The following PLCL1 variants were observed in gnomAD, a reference collection of about 807,000 sequenced individuals.
PLCL1 encodes the protein phospholipase C like 1 (inactive).
Under a neutral mutation model 84.4 loss-of-function variants are expected in PLCL1, and 41 were observed. The observed-to-expected ratio is 0.49, with a 90% confidence interval of 0.38 to 0.63. The LOEUF (loss-of-function observed/expected upper bound fraction) is 0.63. Ranked by LOEUF, PLCL1 falls within the 30% of genes least tolerant of loss-of-function variation. The pLI is 0.00. For synonymous variants in PLCL1, 490 were observed against 488.3 expected (o/e 1.00, Z -0.05); for missense variants, 1,206 against 1,367.8 (o/e 0.88, Z 1.87).
At chr2:198,062,309 G>A (rs1692223242) in intron 1 of PLCL1, among the ~76,000 whole-genome samples, 2 of 152,014 alleles carry the variant, frequency 1.3e-5, no homozygotes, top group African/African-American at 4.8e-5. Context: ...AGACAATTGT[G>A]ATAAATTTTT....
chr2:197,908,887 A>G (rs1399637895), intron 1 of PLCL1, among the ~76,000 whole-genome samples: 1 of 152,220 alleles, frequency 6.6e-6, no homozygotes, highest in Non-Finnish European at 1.5e-5. Flanking sequence ...AAATATTCTT[A>G]TAATTGATTT....
At chr2:197,995,915 G>T (rs1297652859) in intron 1 of PLCL1, among the ~76,000 whole-genome samples, 1 of 152,214 alleles carries the variant, frequency 6.6e-6, no homozygotes, top group Non-Finnish European at 1.5e-5. Flanking sequence ...GAGTTGAAAG[G>T]TTAAATTGTC....
intron 1 of PLCL1, among the ~76,000 whole-genome samples, chr2:197,903,572 C>T (rs1378774275): frequency 6.9e-6 from 1 of 144,434 alleles, no homozygotes; most frequent in African/African-American, 2.6e-5. Context: ...CAAGCTCCTC[C>T]TCCCGGGTTC....
chr2:198,048,574 C>T (rs1346754193), intron 1 of PLCL1, among the ~76,000 whole-genome samples: 1 of 152,142 alleles, frequency 6.6e-6, no homozygotes, highest in Non-Finnish European at 1.5e-5. Context: ...AGAGCAGGTG[C>T]ATCACGTGGT....
rs370674124 is a variant in PLCL1 at position 198,017,189 on chromosome 2, C to G, written c.241-66569C>G. 3.0e-4 allele frequency among the ~76,000 whole-genome samples: 46 copies of G among 152,258 alleles called. 1 individual carries two copies. The highest frequency in any genetic ancestry group is 1.1e-3 in the African/African-American group (44 of 41,544). ...CATATGATGCCCATTTAACATGCTC[C>G]AAAAACACAACAGGAATTCACCTTC... On this transcript the variant is annotated intron_variant, in intron 1 of 5. Coordinates refer to ENST00000428675, the MANE Select transcript of PLCL1 (RefSeq NM_006226.4).
chr2:198,064,541 A>C (rs1166877227), intron 1 of PLCL1, among the ~76,000 whole-genome samples: 1 of 152,186 alleles, frequency 6.6e-6, no homozygotes, highest in Non-Finnish European at 1.5e-5. Context: ...TTTATAATCT[A>C]TTAGAAATTC....
At chr2:198,026,008 A>T (rs1191879521) in intron 1 of PLCL1, among the ~76,000 whole-genome samples, 1 of 152,188 alleles carries the variant, frequency 6.6e-6, no homozygotes, top group African/African-American at 2.4e-5. Context: ...TTATAGGTTT[A>T]GTTTTAAGGC....
intron 1 of PLCL1, among the ~76,000 whole-genome samples, chr2:197,965,564 T>G (rs1450728275): frequency 6.6e-6 from 1 of 152,186 alleles, no homozygotes; most frequent in Non-Finnish European, 1.5e-5. Context: ...TGCTTTCATC[T>G]TCACTATTTT....
At chr2:198,117,575 C>T (rs966048929) in intron 5 of PLCL1, among the ~76,000 whole-genome samples, 6 of 151,712 alleles carry the variant, frequency 4.0e-5, no homozygotes, top group African/African-American at 7.3e-5. Context: ...GGTTACACAC[C>T]GCTTCCTCAT....
intron 5 of PLCL1, among the ~76,000 whole-genome samples, chr2:198,112,732 A>G (rs1314745910): frequency 6.6e-6 from 1 of 151,910 alleles, no homozygotes. Context: ...GTTACGGTTA[A>G]CAGTCATGCC....
chr2:197,856,226 G>A (rs945468547), intron 1 of PLCL1, among the ~76,000 whole-genome samples: 1 of 152,106 alleles, frequency 6.6e-6, no homozygotes, highest in Admixed American at 6.6e-5. Context: ...GTCCAGCCCC[G>A]TAGGTCATAG....
At chr2:198,081,732 A>C (rs780169898) in intron 1 of PLCL1, among the ~76,000 whole-genome samples, 31 of 152,334 alleles carry the variant, frequency 2.0e-4, no homozygotes, top group Non-Finnish European at 4.0e-4. Context: ...TCTCATAACT[A>C]AAGCAAATTT....
intron 1 of PLCL1, among the ~76,000 whole-genome samples, chr2:198,075,381 C>T (rs542734226): frequency 6.6e-6 from 1 of 152,224 alleles, no homozygotes; most frequent in Admixed American, 6.5e-5. Flanking sequence ...GTCAGATGAC[C>T]TTTATTGTTG....
At chr2:197,900,690 TGTTAA>T (rs1462244524) in intron 1 of PLCL1, among the ~76,000 whole-genome samples, 1 of 152,220 alleles carries the variant, frequency 6.6e-6, no homozygotes, top group African/African-American at 2.4e-5. Context: ...GTGCTCTTAC[TGTTAA>T]GTTGTTTTCA....
intron 5 of PLCL1, among the ~76,000 whole-genome samples, chr2:198,111,914 G>T (rs1693633307): frequency 6.6e-6 from 1 of 151,828 alleles, no homozygotes; most frequent in Admixed American, 6.6e-5. Flanking sequence ...TGAGTGTCCT[G>T]CCCATCTAGC....
chr2:197,856,892 A>T (rs1687339502), intron 1 of PLCL1, among the ~76,000 whole-genome samples: 1 of 152,106 alleles, frequency 6.6e-6, no homozygotes, highest in African/African-American at 2.4e-5. Context: ...ATACATTATG[A>T]TGAGGCTTTT....
At chr2:197,921,678 C>G (rs573839559) in intron 1 of PLCL1, among the ~76,000 whole-genome samples, 1 of 152,180 alleles carries the variant, frequency 6.6e-6, no homozygotes, top group African/African-American at 2.4e-5. Context: ...CTTGTTCCAC[C>G]TCTGTACCTT....
At chr2:197,923,323 G>A (rs558479745) in intron 1 of PLCL1, among the ~76,000 whole-genome samples, 1 of 148,508 alleles carries the variant, frequency 6.7e-6, no homozygotes, top group South Asian at 2.2e-4. Flanking sequence ...TTCCCAGATG[G>A]GGTGGCTGCC....
chr2:197,846,521 G>A (rs1687122948), intron 1 of PLCL1, among the ~76,000 whole-genome samples: 1 of 152,024 alleles, frequency 6.6e-6, no homozygotes, highest in Admixed American at 6.6e-5. Flanking sequence ...TTTTGGGGAG[G>A]AATTTATTTA....
Sources: gnomAD v4.1 joint callset for allele counts (sites outside exome capture counted in the v4.1 genomes callset) on GRCh38, gnomAD v4.1.1 for gene constraint, MANE v1.5 for transcripts, NCBI Gene and HGNC (gene_info 2026-07-23, HGNC 2026-07-21) for gene names.